THSD1: variants seen among roughly 807,000 people sequenced by gnomAD.
The protein encoded by THSD1 is thrombospondin type 1 domain containing 1.
Under a neutral mutation model 46.3 loss-of-function variants are expected in THSD1, and 34 were observed. That is an observed-to-expected ratio of 0.74 (90% confidence interval 0.56 to 0.98). THSD1 has a LOEUF of 0.98. Among genes scored for constraint, THSD1 ranks in the 50% least tolerant of loss-of-function variants. The pLI is 0.00. For synonymous variants in THSD1, 407 were observed against 416.5 expected, an observed-to-expected ratio of 0.98 and a Z score of 0.28; for missense variants, 1,023 against 1,058.3, an observed-to-expected ratio of 0.97 and a Z score of 0.46.
chr13:52,392,087 G>A (rs1018783236), intron 3 of THSD1, among the ~76,000 whole-genome samples: 6 of 151,376 alleles, frequency 4.0e-5, no homozygotes, highest in Non-Finnish European at 7.4e-5. Flanking sequence ...AGCTACTCAG[G>A]AGGCTGAGGC....
intron 3 of THSD1, among the ~76,000 whole-genome samples, chr13:52,395,144 T>A (rs1957802250): frequency 6.6e-6 from 1 of 152,134 alleles, no homozygotes; most frequent in Non-Finnish European, 1.5e-5. Flanking sequence ...ATGACAGGTT[T>A]TAAGAAGGAG....
chr13:52,388,191 AAT>A (rs1555333697), intron 3 of THSD1, among the ~76,000 whole-genome samples: 1 of 151,130 alleles, frequency 6.6e-6, no homozygotes, highest in Admixed American at 6.6e-5. Context: ...TAAAAAAAAA[AAT>A]ATATATGTAT....
At chr13:52,405,521 G>C (rs1191283769) in intron 1 of THSD1, among the ~76,000 whole-genome samples, 4 of 152,110 alleles carry the variant, frequency 2.6e-5, no homozygotes, top group Non-Finnish European at 5.9e-5. Flanking sequence ...GCTCTGCCCT[G>C]GTCCCACAGG....
intron 4 of THSD1, among the ~76,000 whole-genome samples, chr13:52,380,559 G>C (rs1426997136): frequency 6.9e-6 from 1 of 144,294 alleles, no homozygotes; most frequent in Non-Finnish European, 1.5e-5. Flanking sequence ...CCATTCTCCT[G>C]CCTCAGCCTT....
At chr13:52,396,233 T>C (rs1307887648) in intron 3 of THSD1, among the ~76,000 whole-genome samples, 2 of 151,802 alleles carry the variant, frequency 1.3e-5, no homozygotes, top group Non-Finnish European at 2.9e-5. Context: ...GGGATAAAGA[T>C]AAAAAGCAGG....
Position 52,402,696 on chromosome 13 carries a change from T to G in THSD1, c.-81-15A>C. 1 of 1,553,244 alleles carries G rather than the reference T, an allele frequency of 6.4e-7. No individual in the cohort carries two copies. The highest frequency in any genetic ancestry group is 1.4e-5 in the African/African-American group (1 of 72,838). On this transcript the variant is annotated splice_polypyrimidine_tract_variant and intron_variant, in intron 1 of 4. Transcript: ENST00000258613. ...CCCAAAAACACCTGAAATTAGAACC[T>G]CAAAAAATGATGGCTCCGTTCAATG...
chr13:52,384,685 T>C (rs557904038), intron 4 of THSD1, among the ~76,000 whole-genome samples: 2 of 152,348 alleles, frequency 1.3e-5, no homozygotes, highest in African/African-American at 4.8e-5. Context: ...TAAATTCATC[T>C]GAGTGTTATG....
chr13:52,380,847 T>C (rs1957686861), intron 4 of THSD1, among the ~76,000 whole-genome samples: 1 of 152,124 alleles, frequency 6.6e-6, no homozygotes, highest in African/African-American at 2.4e-5. Flanking sequence ...TTGATGCCCA[T>C]GCCATCCTTG....
chr13:52,397,224 A>G lies in THSD1; in HGVS notation c.1021+8T>C. The G allele has an allele frequency of 6.5e-7, 1 of 1,546,666 alleles. No individual in the cohort carries two copies. The highest frequency in any genetic ancestry group is 8.7e-7 in the Non-Finnish European group (1 of 1,149,270). On this transcript the variant is annotated splice_region_variant and intron_variant, in intron 3 of 4. Coordinates refer to ENST00000258613, the MANE Select transcript of THSD1 (RefSeq NM_018676.4). ...GATTTAAAATGTTAAAAAAATCTCA[A>G]TACAAACCTGTATTTCTCTGAATTA...
At chr13:52,392,873 G>A (rs533864344) in intron 3 of THSD1, among the ~76,000 whole-genome samples, 1 of 152,206 alleles carries the variant, frequency 6.6e-6, no homozygotes, top group Non-Finnish European at 1.5e-5. Context: ...CATAGACAAG[G>A]CTTCCTTATA....
At position 52,398,052 on chromosome 13, in the gene THSD1, G is replaced by C. The variant is rs1594103591; in HGVS notation, c.201C>G (p.Asn67Lys). ...RNVSVLLLEA[N>K]TNQTVTTKYL... is the part of the protein sequence containing the mutation. ...ACTTGGTAGTTACAGTCTGATTGGT[G>C]TTGGCCTCCAACAGCAGGACAGATA... Residue 67 changes from asparagine to lysine, a missense_variant, in exon 3 of 5, where the codon AAC (asparagine) becomes AAG (lysine). By Grantham distance (94) the Asn-to-Lys change is moderately conservative (BLOSUM62 0). Coordinates refer to ENST00000258613, the MANE Select transcript of THSD1 (RefSeq NM_018676.4). 1 of 1,614,194 alleles carries C rather than the reference G, an allele frequency of 6.2e-7. No homozygotes were observed. The highest frequency in any genetic ancestry group is 2.2e-5 in the East Asian group (1 of 44,880).
At position 52,378,516 on chromosome 13, in the gene THSD1, G is replaced by A. The variant is rs1312619475; in HGVS notation, c.1454C>T (p.Pro485Leu). ...GCCTGTGTCCCCTGGACTCCCCGTG[G>A]GCCCGTCTCCCCCATCCGAGAAGCT... Reference protein sequence around the residue: ...RGSFSDGGDGPTGSPGDTGIP... With the variant: ...RGSFSDGGDGLTGSPGDTGIP... Residue 485 changes from proline (P) to leucine (L), a missense_variant, in exon 5 of 5, where the codon CCC becomes CTC. Physicochemically the swap from Pro to Leu is moderately conservative, Grantham distance 98. This residue lies in a region of THSD1 where 578 missense variants were observed against 497.4 expected (regional missense o/e 1.16). Coordinates refer to ENST00000258613, the MANE Select transcript of THSD1 (RefSeq NM_018676.4). 2 of 1,614,016 alleles carry A rather than the reference G, an allele frequency of 1.2e-6. No homozygotes were observed. Among genetic ancestry groups the A allele is most frequent in the African/African-American group, 2.7e-5 (2 of 74,906 alleles).
chr13:52,394,627 A>G (rs554852006), intron 3 of THSD1, among the ~76,000 whole-genome samples: 6 of 152,254 alleles, frequency 3.9e-5, no homozygotes, highest in African/African-American at 1.4e-4. Flanking sequence ...AAAAAAAAAA[A>G]AAGAATATCT....
intron 4 of THSD1, among the ~76,000 whole-genome samples, chr13:52,379,765 G>A (rs1026859233): frequency 4.1e-4 from 63 of 152,168 alleles, no homozygotes; most frequent in African/African-American, 1.3e-3. Flanking sequence ...GAGCCACTGC[G>A]CCCAGCCAGA....
chr13:52,377,559 G>A lies in THSD1; in HGVS notation c.2411C>T (p.Pro804Leu). The A allele has an allele frequency of 6.2e-7, 1 of 1,601,700 alleles. No individual in the cohort carries two copies. Among genetic ancestry groups the A allele is most frequent in the African/African-American group, 1.3e-5 (1 of 74,828 alleles). Residue 804 changes from proline to leucine, a missense_variant, in exon 5 of 5, where the codon CCC (proline) becomes CTC (leucine). Pro to Leu is a moderately conservative substitution (Grantham distance 98). Coordinates refer to ENST00000258613, the MANE Select transcript of THSD1 (RefSeq NM_018676.4). ...ATAGAAGGCAAACTCAGGGTGAGTG[G>A]GGAAGCTTTGACACTTGTCTTTTCT... ...QCRKDKCQSF[P>L]THPEFAFYDN... is the part of the protein sequence containing the mutation.
intron 3 of THSD1, among the ~76,000 whole-genome samples, chr13:52,394,613 GAA>G (rs747265774): frequency 8.2e-5 from 9 of 109,140 alleles, no homozygotes; most frequent in African/African-American, 1.0e-4. Context: ...GACTGTCCCA[GAA>G]AAAAAAAAAA....
chr13:52,397,562 T>C lies in THSD1; in HGVS notation c.691A>G (p.Thr231Ala). The part of the protein sequence containing the change: ...LLGRDSVITS[T>A]GPIDLAQKFG... ...TTCTGGGCCAGGTCAATGGGTCCTGTGGAGGTAATGACTGAGTCTCGCCCA... is the reference window on the plus strand; with the variant it reads ...TTCTGGGCCAGGTCAATGGGTCCTGCGGAGGTAATGACTGAGTCTCGCCCA... The change falls in exon 3 of 5, where the codon ACA becomes GCA. Residue 231 changes from threonine (T) to alanine (A), a missense_variant. This residue lies in a region of THSD1 where 429 missense variants were observed against 518.3 expected (regional missense o/e 0.83). Coordinates refer to ENST00000258613, the MANE Select transcript of THSD1 (RefSeq NM_018676.4). 6.2e-7 allele frequency: 1 copy of C among 1,614,144 alleles called. No homozygotes were observed. The highest frequency in any genetic ancestry group is 8.5e-7 in the Non-Finnish European group (1 of 1,180,032).
intron 4 of THSD1, chr13:52,384,211 AAG>A: frequency 3.2e-6 from 1 of 312,980 alleles, no homozygotes; most frequent in Non-Finnish European, 6.4e-6. Flanking sequence ...AAAGAAGAAG[AAG>A]ATGCCAGAAT....
rs543902926 is a variant in THSD1, at chr13:52,398,313, G to A, written c.59-119C>T. On this transcript the variant is annotated intron_variant, in intron 2 of 4. Transcript: ENST00000258613. Reference sequence around the variant, plus strand: ...TGAGACAGGGTCTCATGCTGTCACCGAGGCTAGAGTGCAGTGGCGCAATCA... The same window carrying A: ...TGAGACAGGGTCTCATGCTGTCACCAAGGCTAGAGTGCAGTGGCGCAATCA... 1.6e-4 allele frequency: 227 copies of A among 1,459,076 alleles called. 1 individual carries two copies. In the African/African-American group the frequency reaches 2.9e-3, roughly 19 times the overall value. The allele number at this position is 1,459,076 out of a possible 1,614,324, so 90.4% of individuals were successfully genotyped here. A position where few individuals can be genotyped will look rare whatever the true frequency, so the allele number is the denominator to read the frequency against.
Sources: gnomAD v4.1 joint callset for allele counts (sites outside exome capture counted in the v4.1 genomes callset) on GRCh38, gnomAD v4.1.1 for gene constraint, gnomAD v4.1.1 regional missense constraint, MANE v1.5 for transcripts, NCBI Gene and HGNC (gene_info 2026-07-23, HGNC 2026-07-21) for gene names.